The following CDH13 variants were observed in gnomAD, a reference collection of about 807,000 sequenced individuals.
CDH13 encodes the protein cadherin 13.
A neutral mutation model predicts 63.8 loss-of-function variants in CDH13; 24 were observed. That is an observed-to-expected ratio of 0.38 (90% CI 0.27 to 0.53). CDH13 has a LOEUF of 0.53. CDH13 is among the 20% of genes least tolerant of loss of function. The probability of loss-of-function intolerance (pLI) is 0.85; values close to 1 mark genes in which losing one functional copy is unlikely to be tolerated. For synonymous variants in CDH13, 503 were observed against 355.3 expected (o/e 1.42, Z -4.67); for missense variants, 1,049 against 903.1 (o/e 1.16, Z -2.07).
At chr16:82,924,631 T>C (rs1364396697) in intron 2 of CDH13, among the ~76,000 whole-genome samples, 1 of 152,158 alleles carries the variant, frequency 6.6e-6, no homozygotes, top group Non-Finnish European at 1.5e-5. Context: ...GCTTTTAAGA[T>C]AAAGCCCGGG....
chr16:83,128,904 C>T (rs1020478779), intron 4 of CDH13, among the ~76,000 whole-genome samples: 3 of 152,218 alleles, frequency 2.0e-5, no homozygotes, highest in Admixed American at 1.3e-4. Context: ...GTGTGGTAGG[C>T]TACTAACTAG....
Position 83,632,090 on chromosome 16 carries a change from TAGA to T in CDH13, c.1101+29500_1101+29502del, listed in dbSNP as rs768159087. Among the ~76,000 whole-genome samples the T allele has an allele frequency of 7.0e-4, 107 of 152,158 alleles. 1 individual carries two copies. The highest frequency in any genetic ancestry group is 1.8e-4 in the Non-Finnish European group (12 of 68,020). ...CCAATTATTTGGATCCACAGAGTCT[TAGA>T]AGATAGAATGCAGGGAGGAGGCAAG... On this transcript the variant is annotated intron_variant, in intron 8 of 13. Transcript: ENST00000567109.
intron 2 of CDH13, among the ~76,000 whole-genome samples, chr16:82,868,786 C>G (rs1020422832): frequency 5.3e-5 from 8 of 152,156 alleles, no homozygotes; most frequent in African/African-American, 1.9e-4. Context: ...TAGAATTTCA[C>G]CTTTAGAAAT....
chr16:83,240,715 A>ATTT (rs761301050), intron 5 of CDH13, among the ~76,000 whole-genome samples: 121 of 49,396 alleles, frequency 2.4e-3, no homozygotes, highest in East Asian at 8.2e-3. Context: ...TACTGTCTTA[A>ATTT]TCTTTTTTTT....
chr16:82,903,927 C>G (rs1025906730), intron 2 of CDH13, among the ~76,000 whole-genome samples: 1 of 152,120 alleles, frequency 6.6e-6, no homozygotes, highest in Non-Finnish European at 1.5e-5. Flanking sequence ...GCTCTAAAGC[C>G]CAGTCTGTCT....
At chr16:83,566,674 C>G (rs999341947) in intron 7 of CDH13, among the ~76,000 whole-genome samples, 8 of 152,174 alleles carry the variant, frequency 5.3e-5, no homozygotes, top group Non-Finnish European at 8.8e-5. Flanking sequence ...TCTGGTCACT[C>G]TCAGGCAAAG....
rs183919414 is a variant in CDH13, at chr16:83,341,419, T to C, written c.637-3443T>C. ...GAAAACTCACGGGAATGTCAGATTT[T>C]GTTACGGTATGTGATTGGGTGGATA... is the stretch of plus-strand genomic sequence containing the variant. On this transcript the variant is annotated intron_variant, in intron 5 of 13. Coordinates refer to ENST00000567109, the MANE Select transcript of CDH13 (RefSeq NM_001257.5). 4.0e-3 allele frequency among the ~76,000 whole-genome samples: 609 copies of C among 152,334 alleles called. 2 individuals carry two copies. Among genetic ancestry groups the C allele is most frequent in the African/African-American group, 0.014 (567 of 41,582 alleles).
At chr16:83,422,423 G>A (rs78536067) in intron 6 of CDH13, among the ~76,000 whole-genome samples, 3,874 of 152,278 alleles carry the variant, frequency 0.025, 55 homozygotes, top group East Asian at 0.059. Flanking sequence ...ACTGGTCTCA[G>A]AAAGAATGCT....
intron 6 of CDH13, among the ~76,000 whole-genome samples, chr16:83,425,653 C>T (rs968791555): frequency 1.3e-5 from 2 of 152,240 alleles, no homozygotes; most frequent in Non-Finnish European, 2.9e-5. Context: ...CTTTAGTCAT[C>T]TCCTAGAACA....
intron 1 of CDH13, 120 bp from the exon 2 acceptor site, chr16:82,858,242 C>T: frequency 1.5e-6 from 1 of 646,776 alleles, no homozygotes; most frequent in Non-Finnish European, 2.7e-6. Context: ...CAACTTACCT[C>T]TTCATTTGGG....
At chr16:83,486,354 TC>T in intron 6 of CDH13, 122 bp from the exon 7 acceptor site, 4 of 664,420 alleles carry the variant, frequency 6.0e-6, no homozygotes, top group Non-Finnish European at 9.5e-6. Context: ...GAAATACTTT[TC>T]TTTTTTAATT....
chr16:83,104,073 C>T (rs1011336496), intron 3 of CDH13, among the ~76,000 whole-genome samples: 1 of 152,148 alleles, frequency 6.6e-6, no homozygotes, highest in Non-Finnish European at 1.5e-5. Flanking sequence ...GAGACTGATC[C>T]TTCTGGCTTT....
chr16:82,993,347 G>A (rs146308553), intron 2 of CDH13, among the ~76,000 whole-genome samples: 16 of 152,036 alleles, frequency 1.1e-4, no homozygotes, highest in Admixed American at 2.0e-4. Context: ...AGATGCTTAC[G>A]CTTATTAAAC....
chr16:83,031,719 C>G (rs1444107741), intron 2 of CDH13, among the ~76,000 whole-genome samples: 3 of 152,170 alleles, frequency 2.0e-5, no homozygotes, highest in Admixed American at 6.5e-5. Context: ...TCAAATGTCA[C>G]TCTGCCAGAT....
intron 2 of CDH13, among the ~76,000 whole-genome samples, chr16:82,994,158 A>G (rs1057466435): frequency 2.0e-5 from 3 of 152,000 alleles, no homozygotes; most frequent in Admixed American, 1.3e-4. Flanking sequence ...AAACATTTTA[A>G]TGTGCTGATG....
chr16:82,857,214 A>G (rs2039738253), intron 1 of CDH13, among the ~76,000 whole-genome samples: 1 of 152,150 alleles, frequency 6.6e-6, no homozygotes. Flanking sequence ...CCTTTCTAGA[A>G]TTTCGAGTTC....
At chr16:82,965,946 A>T (rs760855571) in intron 2 of CDH13, among the ~76,000 whole-genome samples, 8 of 152,206 alleles carry the variant, frequency 5.3e-5, no homozygotes, top group Non-Finnish European at 1.0e-4. Flanking sequence ...AAAAGTGCAC[A>T]TGTAAAGCCT....
In CDH13 at chr16:82,904,020, CT is replaced by C. The variant is rs369175078; in HGVS notation, c.157+45555del. On this transcript the variant is annotated intron_variant, in intron 2 of 13. Coordinates refer to ENST00000567109, the MANE Select transcript of CDH13 (RefSeq NM_001257.5). Reference sequence around the variant, plus strand: ...AATCCTGTGATTCTCTTCCAAACTGCTTTTTTTTCTATTAAAATTATAACCC... The same window carrying C: ...AATCCTGTGATTCTCTTCCAAACTGCTTTTTTTCTATTAAAATTATAACCC... 9.2e-5 allele frequency among the ~76,000 whole-genome samples: 14 copies of C among 152,012 alleles called. No homozygotes were observed. In the East Asian group the frequency reaches 1.4e-3, roughly 15 times the overall value.
intron 3 of CDH13, among the ~76,000 whole-genome samples, chr16:83,038,800 A>G (rs961323085): frequency 1.3e-5 from 2 of 152,228 alleles, no homozygotes; most frequent in Admixed American, 1.3e-4. Flanking sequence ...GGCCTGGCCA[A>G]CGAAAACACT....
Sources: allele counts gnomAD v4.1 joint callset (sites outside exome capture counted in the v4.1 genomes callset), GRCh38; gene constraint gnomAD v4.1.1; transcripts MANE v1.5; gene names NCBI Gene and HGNC (gene_info 2026-07-23, HGNC 2026-07-21).